The following PPP1R12A variants were observed in gnomAD, a reference collection of about 807,000 sequenced individuals.
PPP1R12A encodes the protein myosin binding subunit.
Under a neutral mutation model 139.6 loss-of-function variants are expected in PPP1R12A, and 19 were observed. That is an observed-to-expected ratio of 0.14 (90% CI 0.09 to 0.20). The LOEUF (loss-of-function observed/expected upper bound fraction) is 0.20, where lower values mean the gene tolerates loss of function less well. Ranked by LOEUF, PPP1R12A falls within the 10% of genes least tolerant of loss-of-function variation. PPP1R12A has a pLI of 1.00. For missense variants in PPP1R12A, 925 were observed against 1,211.5 expected (o/e 0.76, Z 3.51); for synonymous variants, 427 against 420.6 (o/e 1.02, Z -0.19).
At position 79,820,794 on chromosome 12, in the gene PPP1R12A, G is replaced by C. The variant is rs370507874; in HGVS notation, c.1094C>G (p.Ser365Trp). 2.5e-6 allele frequency: 4 copies of C among 1,612,168 alleles called. No homozygotes were observed. In the African/African-American group the frequency reaches 5.3e-5, roughly 22 times the overall value. The change falls in exon 8 of 25, where the codon TCG becomes TGG. Residue 365 changes from serine to tryptophan, a missense_variant. By Grantham distance (177) the Ser-to-Trp change is radical. Coordinates refer to ENST00000450142, the MANE Select transcript of PPP1R12A (RefSeq NM_002480.3). ...TTTACCTGTTTCAGCTTCTGATTCCGAGTCATCTTCCTCATCTTCTTCACT... is the reference window on the plus strand; with the variant it reads ...TTTACCTGTTTCAGCTTCTGATTCCCAGTCATCTTCCTCATCTTCTTCACT... The part of the protein sequence containing the change: ...CSSEEDEEDD[S>W]ESEAETDKTK...
At chr12:79,778,663 T>C in intron 23 of PPP1R12A, 63 bp from the exon 24 acceptor site, 3 of 1,108,034 alleles carry the variant, frequency 2.7e-6, no homozygotes, top group Non-Finnish European at 3.7e-6. Flanking sequence ...TCTTCTTCTA[T>C]ACTGTGAAAT....
intron 4 of PPP1R12A, among the ~76,000 whole-genome samples, chr12:79,829,651 A>AT (rs1877184146): frequency 6.6e-6 from 1 of 152,124 alleles, no homozygotes. Context: ...GCTGAAAGAT[A>AT]TAAGTCCAAA....
intron 1 of PPP1R12A, among the ~76,000 whole-genome samples, chr12:79,926,664 T>C (rs187307444): frequency 1.4e-4 from 21 of 152,312 alleles, no homozygotes; most frequent in African/African-American, 5.1e-4. Context: ...TTAGTTTACA[T>C]TGTGTCCAAT....
chr12:79,836,519 T>C (rs866974121), intron 3 of PPP1R12A, among the ~76,000 whole-genome samples: 7 of 152,158 alleles, frequency 4.6e-5, no homozygotes, highest in South Asian at 2.1e-4. Flanking sequence ...ATTACCCTCT[T>C]TAGCTTCCAA....
intron 9 of PPP1R12A, among the ~76,000 whole-genome samples, chr12:79,814,814 TCAAAAAAAA>T (rs1875117612): frequency 2.5e-4 from 1 of 3,980 alleles, no homozygotes; most frequent in African/African-American, 7.7e-4. Flanking sequence ...AAACTCTGTC[TCAAAAAAAA>T]AAAAAAAAAA....
Position 79,856,844 on chromosome 12 carries a change from T to C in PPP1R12A, c.369-11424A>G, listed in dbSNP as rs1297915460. On this transcript the variant is annotated intron_variant, in intron 2 of 24. Transcript: ENST00000450142. ...TTTTGGTAGGTCTGCAATTCAAGTG[T>C]TGGAAACAGAACCGTGAGCTTAGCA... 2.0e-5 allele frequency among the ~76,000 whole-genome samples: 3 copies of C among 152,226 alleles called. No homozygotes were observed. In the East Asian group the frequency reaches 5.8e-4, roughly 29 times the overall value.
intron 17 of PPP1R12A, among the ~76,000 whole-genome samples, chr12:79,796,275 A>C (rs1174501961): frequency 6.6e-6 from 1 of 152,158 alleles, no homozygotes; most frequent in East Asian, 1.9e-4. Flanking sequence ...TTTATATAAA[A>C]TAATAGGAAA....
intron 5 of PPP1R12A, among the ~76,000 whole-genome samples, chr12:79,827,510 G>A (rs1460120798): frequency 6.6e-6 from 1 of 152,072 alleles, no homozygotes; most frequent in Non-Finnish European, 1.5e-5. Context: ...TAGAGGAGAC[G>A]TGTTTTGAGT....
intron 1 of PPP1R12A, among the ~76,000 whole-genome samples, chr12:79,906,340 A>G (rs1886109886): frequency 1.3e-5 from 2 of 152,170 alleles, no homozygotes; most frequent in Admixed American, 6.5e-5. Flanking sequence ...GAATACACAC[A>G]AAGTATATAA....
chr12:79,906,399 A>G (rs989651251), intron 1 of PPP1R12A, among the ~76,000 whole-genome samples: 4 of 152,138 alleles, frequency 2.6e-5, no homozygotes, highest in African/African-American at 7.2e-5. Flanking sequence ...ATACCAATAT[A>G]TTAACATAGA....
chr12:79,796,820 G>C lies in PPP1R12A; in HGVS notation c.2423C>G (p.Ser808Cys), dbSNP rs776444257. The change falls in exon 17 of 25, where the codon TCT becomes TGT. Residue 808 changes from serine to cysteine, a missense_variant. This residue lies in a region of PPP1R12A where 315 missense variants were observed against 363.4 expected (regional missense o/e 0.87). Transcript: ENST00000450142. Reference sequence around the variant, plus strand: ...TTTTGTTATTCCTCTGGAGTAAGCAGAAGTTATGCCTACAAGACTATTTGG... The same window carrying C: ...TTTTGTTATTCCTCTGGAGTAAGCACAAGTTATGCCTACAAGACTATTTGG... Reference protein sequence around the residue: ...NRPNSLVGITSAYSRGITKEN... With the variant: ...NRPNSLVGITCAYSRGITKEN... 6.8e-6 allele frequency: 11 copies of C among 1,611,414 alleles called. No homozygotes were observed. Among genetic ancestry groups the C allele is most frequent in the Middle Eastern group, 3.3e-4 (2 of 6,054 alleles).
rs1373737259 is a variant in PPP1R12A at position 79,869,725 on chromosome 12, T to C, written c.368+3083A>G. ...TGAGAAAAAAGACTTAGGAAGAAACTAGATCTTTCCAATTTTATAAATAAT... is the reference window on the plus strand; with the variant it reads ...TGAGAAAAAAGACTTAGGAAGAAACCAGATCTTTCCAATTTTATAAATAAT... On this transcript the variant is annotated intron_variant, in intron 2 of 24. Transcript: ENST00000450142. 6.6e-5 allele frequency among the ~76,000 whole-genome samples: 10 copies of C among 152,076 alleles called. No homozygotes were observed. The East Asian group carries it at 1.9e-3, about 29-fold the overall frequency.
intron 19 of PPP1R12A, among the ~76,000 whole-genome samples, chr12:79,791,711 T>C (rs1871892687): frequency 6.6e-6 from 1 of 152,222 alleles, no homozygotes; most frequent in East Asian, 1.9e-4. Context: ...TTAGAGTATA[T>C]AGTTCAGTAT....
At position 79,832,345 on chromosome 12, in the gene PPP1R12A, T is replaced by C. The variant is rs745478229; in HGVS notation, c.634A>G (p.Thr212Ala). The C allele has an allele frequency of 6.2e-7, 1 of 1,608,504 alleles. No individual in the cohort carries two copies. The highest frequency in any genetic ancestry group is 1.1e-5 in the South Asian group (1 of 89,558). Residue 212 changes from threonine to alanine, a missense_variant, in exon 4 of 25, where the codon ACG becomes GCG. By Grantham distance (58) the Thr-to-Ala change is moderately conservative. Coordinates refer to ENST00000450142, the MANE Select transcript of PPP1R12A (RefSeq NM_002480.3). ...AACAATACTTACTTTAAAACTTCCG[T>C]ATAGCCTTTAGCAGCTGCAACGTGA... ...ALHVAAAKGY[T>A]EVLKLLIQAG...
intron 1 of PPP1R12A, among the ~76,000 whole-genome samples, chr12:79,910,432 G>C (rs1886475365): frequency 6.6e-6 from 1 of 151,712 alleles, no homozygotes; most frequent in Non-Finnish European, 1.5e-5. Context: ...AGTGAGCCGA[G>C]ACGGCGCCAC....
chr12:79,885,953 C>T (rs2137399924), intron 1 of PPP1R12A, among the ~76,000 whole-genome samples: 1 of 152,182 alleles, frequency 6.6e-6, no homozygotes, highest in Middle Eastern at 3.4e-3. Flanking sequence ...GCTTTGGCCT[C>T]CCAAAGTGCT....
chr12:79,864,047 C>T (rs892883532), intron 2 of PPP1R12A, among the ~76,000 whole-genome samples: 5 of 152,200 alleles, frequency 3.3e-5, no homozygotes, highest in Non-Finnish European at 7.3e-5. Context: ...TTCTTCTCAG[C>T]ACCACATGGC....
At chr12:79,871,592 G>T (rs1343193678) in intron 2 of PPP1R12A, among the ~76,000 whole-genome samples, 1 of 152,068 alleles carries the variant, frequency 6.6e-6, no homozygotes, top group Admixed American at 6.5e-5. Context: ...ACTTGCCAAG[G>T]TTATACTCCT....
At chr12:79,867,517 ATTAC>A (rs987738161) in intron 2 of PPP1R12A, among the ~76,000 whole-genome samples, 3 of 84,848 alleles carry the variant, frequency 3.5e-5, no homozygotes, top group Admixed American at 1.6e-4. Flanking sequence ...AGCTCCTAAT[ATTAC>A]TTAAACTAGA....
Sources: gnomAD v4.1 joint callset for allele counts (sites outside exome capture counted in the v4.1 genomes callset) on GRCh38, gnomAD v4.1.1 for gene constraint, gnomAD v4.1.1 regional missense constraint, MANE v1.5 for transcripts, NCBI Gene and HGNC (gene_info 2026-07-23, HGNC 2026-07-21) for gene names.